The following BRSK2 variants were observed in gnomAD, a reference collection of about 807,000 sequenced individuals.
BRSK2 encodes BR serine/threonine kinase 2.
A neutral mutation model predicts 83.3 loss-of-function variants in BRSK2; 19 were observed. That is an observed-to-expected ratio of 0.23 (90% confidence interval 0.16 to 0.33). The LOEUF (loss-of-function observed/expected upper bound fraction) is 0.33, where lower values mean the gene tolerates loss of function less well. Ranked by LOEUF, BRSK2 falls within the 10% of genes least tolerant of loss-of-function variation. BRSK2 has a pLI of 1.00. For synonymous variants in BRSK2, 519 were observed against 435.4 expected (o/e 1.19, Z -2.39); for missense variants, 798 against 1,042.3 (o/e 0.77, Z 3.23).
At chr11:1,445,049 TGGCCTGGAGGCCCTGCTA>T in intron 9 of BRSK2, 47 bp downstream of exon 9, 1 of 1,596,980 alleles carries the variant, frequency 6.3e-7, no homozygotes, top group Non-Finnish European at 8.6e-7. Context: ...CCTGTTGCTG[TGGCCTGGAGGCCCTGCTA>T]GGAAAGGCGG....
At chr11:1,437,643 CCA>C (rs1850501853) in intron 2 of BRSK2, among the ~76,000 whole-genome samples, 1 of 152,220 alleles carries the variant, frequency 6.6e-6, no homozygotes, top group Non-Finnish European at 1.5e-5. Context: ...ACTGTATGTC[CCA>C]CACACAACAG....
chr11:1,450,852 G>C (rs1223228954), intron 14 of BRSK2, 58 bp downstream of exon 14: 3 of 1,487,824 alleles, frequency 2.0e-6, no homozygotes, highest in Non-Finnish European at 2.7e-6. Flanking sequence ...GGCTGCCTTG[G>C]GGAGGGCCCC....
At chr11:1,449,213 G>A (rs1439659720) in intron 12 of BRSK2, among the ~76,000 whole-genome samples, 5 of 152,188 alleles carry the variant, frequency 3.3e-5, no homozygotes, top group African/African-American at 1.2e-4. Flanking sequence ...GGGCAGTGGT[G>A]GGACAAGGCC....
Position 1,421,432 on chromosome 11 carries a change from A to G in BRSK2, c.92-14608A>G, listed in dbSNP as rs537167029. ...CAATCTGGTCCCCAGTGGGAGCTGC[A>G]TCCCACCTTTGTTTGGGTGCTGGGT... On this transcript the variant is annotated intron_variant, in intron 1 of 19. Transcript: ENST00000528841. Among the ~76,000 whole-genome samples, 102 of 152,168 alleles carry G rather than the reference A, an allele frequency of 6.7e-4. No individual in the cohort carries two copies. In the East Asian group the frequency reaches 0.018, roughly 26 times the overall value.
At chr11:1,407,936 G>T (rs1847016641) in intron 1 of BRSK2, among the ~76,000 whole-genome samples, 1 of 152,210 alleles carries the variant, frequency 6.6e-6, no homozygotes. Flanking sequence ...AAGGCCGCCT[G>T]GGTCTCCTGC....
intron 1 of BRSK2, among the ~76,000 whole-genome samples, chr11:1,408,151 G>A (rs1244975984): frequency 6.6e-6 from 1 of 152,240 alleles, no homozygotes; most frequent in Non-Finnish European, 1.5e-5. Flanking sequence ...GAGCACAGGC[G>A]GGCCTGGCCT....
intron 3 of BRSK2, among the ~76,000 whole-genome samples, chr11:1,439,561 A>G (rs1442444887): frequency 2.0e-5 from 3 of 152,018 alleles, no homozygotes; most frequent in Non-Finnish European, 4.4e-5. Flanking sequence ...GGGGATGGGC[A>G]CAGCAGGCCA....
intron 1 of BRSK2, among the ~76,000 whole-genome samples, chr11:1,416,247 G>A (rs1473646292): frequency 1.3e-5 from 2 of 152,346 alleles, no homozygotes; most frequent in East Asian, 1.9e-4. Context: ...GGGTCCTGAG[G>A]CTGGGGGGTC....
chr11:1,391,633 G>A (rs1845738883), intron 1 of BRSK2, among the ~76,000 whole-genome samples: 1 of 152,226 alleles, frequency 6.6e-6, no homozygotes, highest in Non-Finnish European at 1.5e-5. Flanking sequence ...GGCAGGTGGG[G>A]TGGTGCAGCC....
At chr11:1,413,404 G>C (rs1459570541) in intron 1 of BRSK2, among the ~76,000 whole-genome samples, 1 of 152,116 alleles carries the variant, frequency 6.6e-6, no homozygotes, top group Non-Finnish European at 1.5e-5. Context: ...CATCCTTCTT[G>C]GAGGCCAGAG....
rs1847619185 is a variant in BRSK2 at position 1,462,580 on chromosome 11, C to T, written c.*1857C>T. The stretch of plus-strand genomic sequence containing the variant: ...GCCTTCCCCTTTTGTGCTTCGGACA[C>T]ACGCGGACTCCAGCAGGCGCCACGG... On this transcript the variant is annotated 3_prime_UTR_variant, in exon 20 of 20. Coordinates refer to ENST00000528841, the MANE Select transcript of BRSK2 (RefSeq NM_001256627.2). 6.6e-6 allele frequency: 1 copy of T among 152,312 alleles called. No homozygotes were observed. Among genetic ancestry groups the T allele is most frequent in the African/African-American group, 2.4e-5 (1 of 41,472 alleles). 9.4% of individuals were successfully genotyped at this position (152,312 alleles called of 1,614,324 possible). A position where few individuals can be genotyped will look rare whatever the true frequency, so the allele number is the denominator to read the frequency against.
In BRSK2 at chr11:1,454,808, C is replaced by T. The variant is rs373176679; in HGVS notation, c.1668+200C>T. Among the ~76,000 whole-genome samples, 1 of 152,212 alleles carries T rather than the reference C, an allele frequency of 6.6e-6. No individual in the cohort carries two copies. Among genetic ancestry groups the T allele is most frequent in the Non-Finnish European group, 1.5e-5 (1 of 68,032 alleles). ...CCCTCGTGAGGGAGGGGTCACTGCC[C>T]ATCTGGGGTGCTTGGCCTGCGGAGG... On this transcript the variant is annotated intron_variant, in intron 16 of 19. Coordinates refer to ENST00000528841, the MANE Select transcript of BRSK2 (RefSeq NM_001256627.2). The surrounding 1 kb of genome is among the most constrained non-coding windows in gnomAD (Gnocchi z 5.2).
intron 18 of BRSK2, among the ~76,000 whole-genome samples, chr11:1,457,425 C>G (rs1781894583): frequency 2.7e-5 from 4 of 149,200 alleles, no homozygotes; most frequent in African/African-American, 1.0e-4. Context: ...AGGGTTGCCC[C>G]AGCCTGGAAC....
At chr11:1,427,670 G>A (rs1209854475) in intron 1 of BRSK2, among the ~76,000 whole-genome samples, 4 of 152,370 alleles carry the variant, frequency 2.6e-5, no homozygotes, top group East Asian at 3.9e-4. Context: ...GTGGCACTGC[G>A]TGCCTTCCCT....
intron 3 of BRSK2, among the ~76,000 whole-genome samples, chr11:1,439,179 G>T (rs1359847956): frequency 3.3e-5 from 5 of 152,204 alleles, no homozygotes; most frequent in African/African-American, 9.7e-5. Flanking sequence ...ACAGGGCTGG[G>T]CTGGGGGCTG....
chr11:1,403,987 G>A (rs1450100066), intron 1 of BRSK2, among the ~76,000 whole-genome samples: 1 of 152,218 alleles, frequency 6.6e-6, no homozygotes, highest in African/African-American at 2.4e-5. Flanking sequence ...CGAATGGGGT[G>A]AGCCTGGCCT....
intron 1 of BRSK2, among the ~76,000 whole-genome samples, chr11:1,393,961 TGGAGATGGGTCCTG>T: frequency 9.4e-6 from 1 of 106,650 alleles, no homozygotes; most frequent in African/African-American, 3.3e-5. Context: ...AGATGGGTCC[TGGAGATGGGTCCTG>T]GAGATGGGCC....
chr11:1,446,752 C>T (rs1408372559), intron 12 of BRSK2, among the ~76,000 whole-genome samples: 2 of 152,184 alleles, frequency 1.3e-5, no homozygotes, highest in African/African-American at 4.8e-5. Context: ...CTCAAACGTC[C>T]CTCACCAGGT....
At chr11:1,397,758 C>T (rs1251836498) in intron 1 of BRSK2, among the ~76,000 whole-genome samples, 1 of 152,198 alleles carries the variant, frequency 6.6e-6, no homozygotes, top group Non-Finnish European at 1.5e-5. Flanking sequence ...CCTATGAGGA[C>T]AGAGCTGCCT....
Sources: gnomAD v4.1 joint callset for allele counts (sites outside exome capture counted in the v4.1 genomes callset) on GRCh38, gnomAD v4.1.1 for gene constraint, Gnocchi (gnomAD v3.1) non-coding constraint, MANE v1.5 for transcripts, NCBI Gene and HGNC (gene_info 2026-07-23, HGNC 2026-07-21) for gene names.